Variants in BMX observed in about 807,000 individuals in gnomAD.
BMX encodes BMX non-receptor tyrosine kinase.
In BMX, 31 loss-of-function variants were observed where a neutral mutation model predicts 59.2. The ratio of observed to expected loss-of-function variants is 0.52; its 90% CI spans 0.39 to 0.71. BMX has a LOEUF of 0.71. Ranked by LOEUF, BMX falls within the 30% of genes least tolerant of loss-of-function variation. The probability of loss-of-function intolerance (pLI) is 0.00; values close to 1 mark genes in which losing one functional copy is unlikely to be tolerated. For synonymous variants in BMX, 185 were observed against 181.0 expected, an observed-to-expected ratio of 1.02 and a Z score of -0.18; for missense variants, 474 against 491.7, an observed-to-expected ratio of 0.96 and a Z score of 0.34.
intron 17 of BMX, 63 bp from the exon 18 acceptor site, chrX:15,549,777 C>A (rs1926104797): frequency 8.7e-7 from 1 of 1,147,335 alleles, no homozygotes; most frequent in East Asian, 3.0e-5. Context: ...CTCCACAAAC[C>A]CTGTACTTTC....
intron 1 of BMX, among the ~76,000 whole-genome samples, 179 bp from the exon 2 acceptor site, chrX:15,508,165 AG>A (rs1385487858): frequency 8.9e-6 from 1 of 112,194 alleles, no homozygotes; most frequent in Non-Finnish European, 1.9e-5. Flanking sequence ...CCCAAAGCAA[AG>A]GCAGCAGAAA....
intron 11 of BMX, among the ~76,000 whole-genome samples, chrX:15,533,834 T>G (rs939521223): frequency 6.3e-5 from 7 of 111,357 alleles, no homozygotes; most frequent in African/African-American, 2.3e-4. Context: ...TCCACCTCCA[T>G]TATTATCCTA....
In BMX at chrX:15,534,240, C is replaced by T. The variant is rs753409287; in HGVS notation, c.1048C>T (p.His350Tyr). Residue 350 changes from histidine to tyrosine, a missense_variant, in exon 12 of 19, where the codon CAC (histidine) becomes TAC (tyrosine). By Grantham distance (83) the His-to-Tyr change is moderately conservative. Transcript: ENST00000348343. The part of the protein sequence containing the change: ...NDKKGTVKHY[H>Y]VHTNAENKLY... ...TAAAAAAGGAACTGTCAAACATTACCACGTGCATACAAATGCTGAGAACAA... is the reference window on the plus strand; with the variant it reads ...TAAAAAAGGAACTGTCAAACATTACTACGTGCATACAAATGCTGAGAACAA... 8.5e-7 allele frequency: 1 copy of T among 1,174,513 alleles called. No individual in the cohort carries two copies. Among genetic ancestry groups the T allele is most frequent in the Non-Finnish European group, 1.1e-6 (1 of 874,367 alleles).
intron 16 of BMX, among the ~76,000 whole-genome samples, chrX:15,545,147 G>A (rs1015424003): frequency 8.9e-6 from 1 of 112,121 alleles, no homozygotes; most frequent in Non-Finnish European, 1.9e-5. Flanking sequence ...CAGTGAATCC[G>A]TAAAGGTCTG....
intron 17 of BMX, among the ~76,000 whole-genome samples, chrX:15,548,069 T>A (rs1016133223): frequency 8.9e-6 from 1 of 112,288 alleles, no homozygotes. Context: ...GATAATCAAA[T>A]ACACACAGAA....
chrX:15,541,578 T>C (rs1023228419), intron 14 of BMX, among the ~76,000 whole-genome samples: 3 of 111,995 alleles, frequency 2.7e-5, no homozygotes, highest in African/African-American at 9.7e-5. Flanking sequence ...GAATGAAATA[T>C]TTAGATGTGA....
At position 15,549,916 on chromosome X, in the gene BMX, G is replaced by T; in HGVS notation, c.1872G>T (p.Lys624Asn). The change falls in exon 18 of 19, where the codon AAG becomes AAT. Residue 624 changes from lysine (K) to asparagine (N), a missense_variant. By Grantham distance (94) the Lys-to-Asn change is moderately conservative. Coordinates refer to ENST00000348343, the MANE Select transcript of BMX (RefSeq NM_203281.3). ...ATGACAACTCCCAGGTGGTTCTGAA[G>T]GTCTCCCAGGGCCACAGGCTTTACC... is the stretch of plus-strand genomic sequence containing the variant. ...DLYDNSQVVL[K>N]VSQGHRLYRP... 1 of 1,210,067 alleles carries T rather than the reference G, an allele frequency of 8.3e-7. No homozygotes were observed. Among genetic ancestry groups the T allele is most frequent in the Non-Finnish European group, 1.1e-6 (1 of 894,758 alleles).
At chrX:15,519,515 A>G (rs958537364) in intron 6 of BMX, among the ~76,000 whole-genome samples, 1 of 111,793 alleles carries the variant, frequency 8.9e-6, no homozygotes, top group African/African-American at 3.3e-5. Flanking sequence ...GAGAGGACAC[A>G]GAGAGATACA....
At chrX:15,540,320 C>G (rs1925597758) in intron 14 of BMX, among the ~76,000 whole-genome samples, 1 of 110,083 alleles carries the variant, frequency 9.1e-6, no homozygotes, top group South Asian at 3.9e-4. Context: ...TCTCAGCAAA[C>G]TAACACAGGA....
chrX:15,524,585 G>C (rs181616778), intron 7 of BMX, among the ~76,000 whole-genome samples: 89 of 112,235 alleles, frequency 7.9e-4, no homozygotes, highest in Admixed American at 3.0e-3. Context: ...TGGGAAGGTG[G>C]AGAGAGAGGC....
intron 9 of BMX, among the ~76,000 whole-genome samples, chrX:15,527,378 C>G (rs1924844342): frequency 9.4e-6 from 1 of 106,588 alleles, no homozygotes. Context: ...AACTGGACTT[C>G]TGGGCAAATA....
At chrX:15,555,432 C>G (rs1278045564) in intron 18 of BMX, among the ~76,000 whole-genome samples, 1 of 110,147 alleles carries the variant, frequency 9.1e-6, no homozygotes, top group Non-Finnish European at 1.9e-5. Context: ...TGGTCTCGAA[C>G]TCCTGGCCTC....
At chrX:15,549,545 G>C (rs1233999393) in intron 17 of BMX, among the ~76,000 whole-genome samples, 1 of 111,682 alleles carries the variant, frequency 9.0e-6, no homozygotes, top group East Asian at 2.8e-4. Context: ...CGCAAGAATT[G>C]TGTCTTGGCC....
At chrX:15,540,869 A>G (rs1925637242) in intron 14 of BMX, among the ~76,000 whole-genome samples, 1 of 111,254 alleles carries the variant, frequency 9.0e-6, no homozygotes, top group Admixed American at 9.6e-5. Context: ...ACAGAAAAGA[A>G]AGAGTAATTG....
At chrX:15,514,937 A>C (rs1055847368) in intron 4 of BMX, among the ~76,000 whole-genome samples, 12 of 111,904 alleles carry the variant, frequency 1.1e-4, no homozygotes, top group Non-Finnish European at 1.5e-4. Context: ...AAAAATTTTA[A>C]AGATGAAATA....
At chrX:15,507,119 C>T (rs1280000570) in intron 1 of BMX, among the ~76,000 whole-genome samples, 1 of 112,829 alleles carries the variant, frequency 8.9e-6, no homozygotes, top group Non-Finnish European at 1.9e-5. Flanking sequence ...CCTTTCATTT[C>T]ACTCTTCTGC....
At chrX:15,541,835 C>T (rs1925701177) in intron 14 of BMX, 147 bp from the exon 15 acceptor site, 6 of 566,465 alleles carry the variant, frequency 1.1e-5, no homozygotes, top group Non-Finnish European at 1.7e-5. Context: ...AATATAAGAT[C>T]CTAAACTTTT....
At chrX:15,555,591 C>G (rs1926397422) in intron 18 of BMX, among the ~76,000 whole-genome samples, 1 of 111,129 alleles carries the variant, frequency 9.0e-6, no homozygotes, top group South Asian at 3.8e-4. Context: ...GAGGGGCACA[C>G]TTTTTTAGTG....
At chrX:15,552,961 C>T (rs1926264512) in intron 18 of BMX, among the ~76,000 whole-genome samples, 1 of 112,229 alleles carries the variant, frequency 8.9e-6, no homozygotes, top group African/African-American at 3.2e-5. Context: ...TAACTTTTAA[C>T]ACAGTTAGTG....
Sources: allele counts gnomAD v4.1 joint callset (sites outside exome capture counted in the v4.1 genomes callset), GRCh38; gene constraint gnomAD v4.1.1; transcripts MANE v1.5; gene names NCBI Gene and HGNC (gene_info 2026-07-23, HGNC 2026-07-21).